ITGAD: variants seen among roughly 807,000 people sequenced by gnomAD.
The protein encoded by ITGAD is integrin subunit alpha D, also known as integrin alpha-D.
ITGAD carries 105 observed loss-of-function variants against 139.0 expected under a neutral mutation model. The ratio of observed to expected loss-of-function variants is 0.76; its 90% CI spans 0.65 to 0.89. The LOEUF (loss-of-function observed/expected upper bound fraction) is 0.89. Ranked by LOEUF, ITGAD falls within the 40% of genes least tolerant of loss-of-function variation. The pLI, the probability that ITGAD is intolerant of heterozygous loss-of-function variation, is 0.00. For missense variants in ITGAD, 1,384 were observed against 1,487.3 expected, an observed-to-expected ratio of 0.93 and a Z score of 1.14; for synonymous variants, 569 against 598.3, an observed-to-expected ratio of 0.95 and a Z score of 0.71.
Position 31,393,599 on chromosome 16 carries a change from G to A in ITGAD, c.31+208G>A, listed in dbSNP as rs528734941. Among the ~76,000 whole-genome samples, 6 of 152,234 alleles carry A rather than the reference G, an allele frequency of 3.9e-5. No homozygotes were observed. The East Asian group carries it at 1.2e-3, about 29-fold the overall frequency. On this transcript the variant is annotated intron_variant, in intron 1 of 29. Coordinates refer to ENST00000389202, the MANE Select transcript of ITGAD (RefSeq NM_005353.3). ...GGGGCTGTGCTCAGGTGGCGACTAA[G>A]CTACCTCTCCAGCTGGCTATGTTGT... is the stretch of plus-strand genomic sequence containing the variant.
At chr16:31,416,778 TAC>T in intron 20 of ITGAD, 132 bp downstream of exon 20, 21 of 790,640 alleles carry the variant, frequency 2.7e-5, no homozygotes, top group South Asian at 6.0e-5. Context: ...CACACACACA[TAC>T]ACACAGAGAA....
In ITGAD at chr16:31,411,323, T is replaced by C; in HGVS notation, c.1513T>C (p.Cys505Arg). Residue 505 changes from cysteine to arginine, a missense_variant, in exon 14 of 30, where the codon TGT becomes CGT. Transcript: ENST00000389202. ...TGTTCAGCAGAGGGTGCAGTGGCAG[T>C]GTGACGCTGTTCTCCGTGGTGAGCA... ...PLPRGRVQWQ[C>R]DAVLRGEQGH... is the part of the protein sequence containing the mutation. The C allele has an allele frequency of 1.9e-6, 3 of 1,613,082 alleles. No homozygotes were observed. The highest frequency in any genetic ancestry group is 8.5e-7 in the Non-Finnish European group (1 of 1,179,342).
chr16:31,415,437 G>A (rs1235710130), intron 18 of ITGAD, among the ~76,000 whole-genome samples: 1 of 151,994 alleles, frequency 6.6e-6, no homozygotes, highest in Non-Finnish European at 1.5e-5. Flanking sequence ...CTGGCTTCAC[G>A]GCATCCCACT....
chr16:31,414,190 ATCTG>A (rs369418909), intron 16 of ITGAD, among the ~76,000 whole-genome samples: 529 of 152,100 alleles, frequency 3.5e-3, no homozygotes, highest in Non-Finnish European at 5.3e-3. Flanking sequence ...ATTATCTATC[ATCTG>A]TCTATCTAAT....
chr16:31,424,841 C>A (rs189583010), intron 29 of ITGAD: 15 of 271,224 alleles, frequency 5.5e-5, no homozygotes, highest in Admixed American at 1.0e-4. Flanking sequence ...TCAGGTGATC[C>A]GCCCACCTTG....
In ITGAD at chr16:31,403,584, G is replaced by A. The variant is rs2081461251; in HGVS notation, c.643G>A (p.Val215Met). ...GACCAGCCCGAGCCAGCAGAGCCTG[G>A]TGGATCCCATCGTCCAACTGAAAGG... ...FRTSPSQQSL[V>M]DPIVQLKGLT... The change falls in exon 7 of 30, where the codon GTG becomes ATG. Residue 215 changes from valine to methionine, a missense_variant. Coordinates refer to ENST00000389202, the MANE Select transcript of ITGAD (RefSeq NM_005353.3). The surrounding 1 kb of genome is among the most constrained non-coding windows in gnomAD (Gnocchi z 4.4). 6.2e-7 allele frequency: 1 copy of A among 1,614,208 alleles called. No homozygotes were observed. The highest frequency in any genetic ancestry group is 1.7e-5 in the Admixed American group (1 of 60,020).
chr16:31,394,699 T>C (rs2081223006), intron 2 of ITGAD, among the ~76,000 whole-genome samples: 1 of 152,178 alleles, frequency 6.6e-6, no homozygotes, highest in Admixed American at 6.5e-5. Flanking sequence ...TTATTTTTAC[T>C]CCAGCTCTGT....
At chr16:31,418,611 G>A (rs1255898611) in intron 23 of ITGAD, 47 bp downstream of exon 23, 1 of 1,382,480 alleles carries the variant, frequency 7.2e-7, no homozygotes, top group African/African-American at 1.4e-5. Flanking sequence ...CTTCCTCTAT[G>A]CCTGGTACTC....
intron 19 of ITGAD, 106 bp from the exon 20 acceptor site, chr16:31,416,399 T>C: frequency 6.6e-7 from 1 of 1,521,286 alleles, no homozygotes; most frequent in South Asian, 1.2e-5. Context: ...TTCACTGGAT[T>C]GTTATTGGCC....
At chr16:31,393,905 C>T (rs1392421938) in intron 1 of ITGAD, among the ~76,000 whole-genome samples, 4 of 152,020 alleles carry the variant, frequency 2.6e-5, no homozygotes, top group East Asian at 3.9e-4. Context: ...CCGAGATGGG[C>T]GTATCCCCTG....
intron 5 of ITGAD, 85 bp downstream of exon 5, chr16:31,397,994 T>G: frequency 4.8e-6 from 5 of 1,043,910 alleles, no homozygotes; most frequent in Non-Finnish European, 5.6e-6. Context: ...TCTGGGCCCC[T>G]GTGCCCTCCC....
rs1284288535 is a variant in ITGAD, at chr16:31,426,158, T to TG, written c.*31dup. 2 of 1,433,810 alleles carry TG rather than the reference T, an allele frequency of 1.4e-6. No homozygotes were observed. The highest frequency in any genetic ancestry group is 4.6e-5 in the East Asian group (2 of 43,706). The allele number at this position is 1,433,810 out of a possible 1,614,324, so 88.8% of individuals were successfully genotyped here. On this transcript the variant is annotated 3_prime_UTR_variant, in exon 30 of 30. Transcript: ENST00000389202. Reference sequence around the variant, plus strand: ...CCACTTTCCTGTTTATCTCTACCACTGTGGGCTGGACTTGCTTGCAACCAT... The same window carrying TG: ...CCACTTTCCTGTTTATCTCTACCACTGGTGGGCTGGACTTGCTTGCAACCAT...
At chr16:31,411,559 C>T (rs1167023689) in intron 14 of ITGAD, 42 bp downstream of exon 14, 2 of 1,596,916 alleles carry the variant, frequency 1.3e-6, no homozygotes, top group Non-Finnish European at 1.7e-6. Flanking sequence ...AGCTCCTTCC[C>T]ATGTCCTGAG....
chr16:31,407,417 C>A, intron 7 of ITGAD, 98 bp from the exon 8 acceptor site: 1 of 1,176,204 alleles, frequency 8.5e-7, no homozygotes, highest in Non-Finnish European at 1.2e-6. Context: ...GTGAGGGTGC[C>A]AGGACTCCCC....
At chr16:31,415,463 C>T (rs566203555) in intron 18 of ITGAD, among the ~76,000 whole-genome samples, 11 of 152,264 alleles carry the variant, frequency 7.2e-5, no homozygotes, top group Non-Finnish European at 8.8e-5. Flanking sequence ...TTACTAGGCA[C>T]GCTTTTCATA....
intron 18 of ITGAD, among the ~76,000 whole-genome samples, chr16:31,415,421 G>C (rs1177671035): frequency 6.6e-6 from 1 of 151,962 alleles, no homozygotes; most frequent in Non-Finnish European, 1.5e-5. Flanking sequence ...TGGCCTCCTG[G>C]CCTCTCTGGC....
chr16:31,400,757 C>A (rs371824890), intron 5 of ITGAD, among the ~76,000 whole-genome samples: 2 of 152,236 alleles, frequency 1.3e-5, no homozygotes, highest in African/African-American at 4.8e-5. Flanking sequence ...GGCACCGCCA[C>A]CATGCCGGGC....
chr16:31,409,353 A>C (rs2081622627), intron 10 of ITGAD, among the ~76,000 whole-genome samples: 1 of 151,708 alleles, frequency 6.6e-6, no homozygotes. Context: ...AAAAACAAAA[A>C]CAAACCCAGA....
chr16:31,416,568 A>C lies in ITGAD; in HGVS notation c.2421A>C (p.Ala807=), dbSNP rs1255878927. The C allele has an allele frequency of 6.2e-7, 1 of 1,613,944 alleles. No homozygotes were observed. The highest frequency in any genetic ancestry group is 2.2e-5 in the East Asian group (1 of 44,862). ...ELNVIVTVWN[A]GEDSYGTVVS... is the part of the protein sequence containing the mutation. ...ACGTGATTGTGACTGTGTGGAACGC[A>C]GGTGAGGATTCCTACGGAACCGTGG... is the stretch of plus-strand genomic sequence containing the variant. Residue 807 remains alanine, a synonymous_variant, in exon 20 of 30, where the codon GCA becomes GCC. Coordinates refer to ENST00000389202, the MANE Select transcript of ITGAD (RefSeq NM_005353.3).
Sources: gnomAD v4.1 joint callset for allele counts (sites outside exome capture counted in the v4.1 genomes callset) on GRCh38, gnomAD v4.1.1 for gene constraint, Gnocchi (gnomAD v3.1) non-coding constraint, MANE v1.5 for transcripts, NCBI Gene and HGNC (gene_info 2026-07-23, HGNC 2026-07-21) for gene names.